Variants in MYO1D observed in about 807,000 individuals in gnomAD.
MYO1D encodes unconventional myosin-Id.
MYO1D carries 83 observed loss-of-function variants against 122.0 expected under a neutral mutation model. That is an observed-to-expected ratio of 0.68 (90% CI 0.57 to 0.82). The LOEUF (loss-of-function observed/expected upper bound fraction) is 0.82, where lower values mean the gene tolerates loss of function less well. Ranked by LOEUF, MYO1D falls within the 40% of genes least tolerant of loss-of-function variation. The pLI is 0.00. For synonymous variants in MYO1D, 464 were observed against 446.9 expected (o/e 1.04, Z -0.48); for missense variants, 1,157 against 1,269.5 (o/e 0.91, Z 1.35).
rs962888293 is a variant in MYO1D at position 32,745,235 on chromosome 17, T to C, written c.1589A>G (p.Asp530Gly). The change falls in exon 13 of 22, where the codon GAT (aspartate) becomes GGT (glycine). Residue 530 changes from aspartate to glycine, a missense_variant. Asp to Gly is a moderately conservative substitution (Grantham distance 94). Coordinates refer to ENST00000318217, the MANE Select transcript of MYO1D (RefSeq NM_015194.3). ...CCTGTTATACATAAGGCGCTTGAAATCTTGAAATAAAGTATCTTTATTTTT... is the reference window on the plus strand; with the variant it reads ...CCTGTTATACATAAGGCGCTTGAAACCTTGAAATAAAGTATCTTTATTTTT... Reference protein sequence around the residue: ...IDKNKDTLFQDFKRLMYNSSN... With the variant: ...IDKNKDTLFQGFKRLMYNSSN... 6.5e-7 allele frequency: 1 copy of C among 1,539,956 alleles called. No homozygotes were observed. Among genetic ancestry groups the C allele is most frequent in the African/African-American group, 1.4e-5 (1 of 72,812 alleles).
intron 1 of MYO1D, among the ~76,000 whole-genome samples, chr17:32,850,397 A>G (rs1190804541): frequency 6.6e-6 from 1 of 152,224 alleles, no homozygotes; most frequent in South Asian, 2.1e-4. Flanking sequence ...GACCTGAACT[A>G]CTGCACTACT....
chr17:32,756,292 C>G (rs1420919604), intron 10 of MYO1D: 1 of 226,588 alleles, frequency 4.4e-6, no homozygotes, highest in Admixed American at 5.7e-5. Flanking sequence ...TAGTGTTTGG[C>G]AGAGTTGCCT....
chr17:32,519,951 G>A (rs1910068805), intron 21 of MYO1D, among the ~76,000 whole-genome samples: 1 of 150,976 alleles, frequency 6.6e-6, no homozygotes, highest in African/African-American at 2.4e-5. Context: ...TAAGAAGGGA[G>A]GAGAAAGGGC....
At chr17:32,557,763 T>C (rs1368195714) in intron 21 of MYO1D, among the ~76,000 whole-genome samples, 4 of 152,050 alleles carry the variant, frequency 2.6e-5, no homozygotes, top group Non-Finnish European at 5.9e-5. Flanking sequence ...GGTCATACAG[T>C]CTGCACTGTA....
intron 1 of MYO1D, among the ~76,000 whole-genome samples, chr17:32,796,522 C>T (rs1203413040): frequency 6.6e-6 from 1 of 152,170 alleles, no homozygotes; most frequent in Non-Finnish European, 1.5e-5. Context: ...AAGTGATCCT[C>T]CCACCTCAGC....
intron 19 of MYO1D, among the ~76,000 whole-genome samples, chr17:32,646,091 T>C (rs537763776): frequency 6.6e-6 from 1 of 152,296 alleles, no homozygotes; most frequent in South Asian, 2.1e-4. Flanking sequence ...GGTGTGGAAG[T>C]CCTTTCTGTT....
intron 16 of MYO1D, among the ~76,000 whole-genome samples, chr17:32,679,336 C>T (rs372048369): frequency 0.036 from 5,393 of 151,046 alleles, 312 homozygotes; most frequent in African/African-American, 0.12. Flanking sequence ...TCCTTGCCCA[C>T]GCCTATGTCC....
At chr17:32,687,182 A>G (rs372695709) in intron 16 of MYO1D, among the ~76,000 whole-genome samples, 130 of 145,136 alleles carry the variant, frequency 9.0e-4, no homozygotes, top group African/African-American at 3.1e-3. Context: ...GCAAGGGCCA[A>G]CATGCCTGGC....
At chr17:32,628,426 G>A (rs2087956364) in intron 20 of MYO1D, among the ~76,000 whole-genome samples, 2 of 152,144 alleles carry the variant, frequency 1.3e-5, no homozygotes, top group South Asian at 4.1e-4. Context: ...TCAAAAACCT[G>A]TCACGATTTC....
chr17:32,822,769 TCCCCGCA>T (rs2090684871), intron 1 of MYO1D, among the ~76,000 whole-genome samples: 1 of 151,064 alleles, frequency 6.6e-6, no homozygotes, highest in South Asian at 2.1e-4. Context: ...GCCCGGGGCG[TCCCCGCA>T]CCCGGCCGAC....
intron 1 of MYO1D, among the ~76,000 whole-genome samples, chr17:32,847,275 GAACA>G (rs2090947004): frequency 6.6e-6 from 1 of 152,130 alleles, no homozygotes; most frequent in African/African-American, 2.4e-5. Context: ...ATTTTCAATG[GAACA>G]AACATGGTGA....
chr17:32,527,903 A>G (rs1910395823), intron 21 of MYO1D, among the ~76,000 whole-genome samples: 1 of 148,040 alleles, frequency 6.8e-6, no homozygotes, highest in Non-Finnish European at 1.5e-5. Flanking sequence ...CAGTGGCACG[A>G]TCTTGGCTCA....
chr17:32,565,982 C>T (rs1010581294), intron 21 of MYO1D, among the ~76,000 whole-genome samples: 1 of 152,154 alleles, frequency 6.6e-6, no homozygotes, highest in African/African-American at 2.4e-5. Context: ...ACCTCAGCCT[C>T]CCAAAGTGCT....
intron 21 of MYO1D, among the ~76,000 whole-genome samples, chr17:32,578,152 T>G (rs752219433): frequency 6.6e-6 from 1 of 152,232 alleles, no homozygotes; most frequent in Non-Finnish European, 1.5e-5. Context: ...AATACAGCTT[T>G]GAAACCTCAT....
At chr17:32,844,380 T>TGTATATATACTATATATACTATATATATA (rs1315883994) in intron 1 of MYO1D, among the ~76,000 whole-genome samples, 5 of 146,712 alleles carry the variant, frequency 3.4e-5, no homozygotes, top group African/African-American at 1.2e-4. Flanking sequence ...AGTATATATG[T>TGTATATATACTATATATACTATATATATA]GTATATATAC....
intron 1 of MYO1D, among the ~76,000 whole-genome samples, chr17:32,796,089 C>G (rs2090413944): frequency 1.3e-5 from 2 of 152,172 alleles, no homozygotes; most frequent in African/African-American, 2.4e-5. Flanking sequence ...AATAATATGA[C>G]ACTGATTTTC....
intron 21 of MYO1D, chr17:32,498,672 T>C (rs1597857569): frequency 6.6e-6 from 1 of 152,080 alleles, no homozygotes; most frequent in South Asian, 2.1e-4. Context: ...TGAAGGACTG[T>C]GTGTAAAACA....
Position 32,690,268 on chromosome 17 carries a change from C to T in MYO1D, c.2121+21720G>A, listed in dbSNP as rs543995767. Among the ~76,000 whole-genome samples, 24 of 150,590 alleles carry T rather than the reference C, an allele frequency of 1.6e-4. No individual in the cohort carries two copies. The South Asian group carries it at 4.2e-3, about 27-fold the overall frequency. On this transcript the variant is annotated intron_variant, in intron 16 of 21. Coordinates refer to ENST00000318217, the MANE Select transcript of MYO1D (RefSeq NM_015194.3). The stretch of plus-strand genomic sequence containing the variant: ...CGCGATCTTGGCTCACTGCACCTCC[C>T]GGGCTCAAGCAATTCTCCTGCCTCT...
chr17:32,528,443 A>ATG (rs891974954), intron 21 of MYO1D, among the ~76,000 whole-genome samples: 1 of 151,872 alleles, frequency 6.6e-6, no homozygotes, highest in Non-Finnish European at 1.5e-5. Flanking sequence ...GGGTGTGTAT[A>ATG]TGTGTGTGTG....
Sources: gnomAD v4.1 joint callset for allele counts (sites outside exome capture counted in the v4.1 genomes callset) on GRCh38, gnomAD v4.1.1 for gene constraint, MANE v1.5 for transcripts, NCBI Gene and HGNC (gene_info 2026-07-23, HGNC 2026-07-21) for gene names.